Variants in FARP1 observed in about 807,000 individuals in gnomAD.
FARP1 encodes the protein FERM, ARH/RhoGEF and pleckstrin domain protein 1.
A neutral mutation model predicts 128.8 loss-of-function variants in FARP1; 52 were observed. The ratio of observed to expected loss-of-function variants is 0.40; its 90% CI spans 0.32 to 0.51. FARP1 has a LOEUF of 0.51. Ranked by LOEUF, FARP1 falls within the 20% of genes least tolerant of loss-of-function variation. The pLI is 0.45. For missense variants in FARP1, 1,333 were observed against 1,367.9 expected (o/e 0.97, Z 0.40); for synonymous variants, 580 against 551.8 (o/e 1.05, Z -0.72).
chr13:98,443,298 G>C (rs1892603850), intron 24 of FARP1, among the ~76,000 whole-genome samples: 1 of 152,240 alleles, frequency 6.6e-6, no homozygotes, highest in African/African-American at 2.4e-5. Context: ...GAAGGTGGCA[G>C]TGACCACCTA....
At chr13:98,340,085 T>C (rs1409824113) in intron 2 of FARP1, among the ~76,000 whole-genome samples, 1 of 152,064 alleles carries the variant, frequency 6.6e-6, no homozygotes, top group Non-Finnish European at 1.5e-5. Flanking sequence ...TATTAGTTTT[T>C]TTTTTTTAAC....
intron 2 of FARP1, among the ~76,000 whole-genome samples, chr13:98,262,603 A>G (rs369195872): frequency 2.8e-4 from 43 of 152,326 alleles, no homozygotes; most frequent in African/African-American, 1.0e-3. Context: ...GGCATATGTT[A>G]ATGAAATTCA....
At chr13:98,172,184 CTT>C (rs1877700871) in intron 1 of FARP1, among the ~76,000 whole-genome samples, 1 of 151,628 alleles carries the variant, frequency 6.6e-6, no homozygotes, top group South Asian at 2.1e-4. Context: ...GTGAATGAGA[CTT>C]TTCTCAGTGG....
At chr13:98,418,109 G>A (rs1293184251) in intron 16 of FARP1, among the ~76,000 whole-genome samples, 1 of 152,116 alleles carries the variant, frequency 6.6e-6, no homozygotes, top group East Asian at 1.9e-4. Flanking sequence ...GAATGCAGTG[G>A]TATGATCATA....
At chr13:98,344,753 T>C (rs1888108717) in intron 3 of FARP1, among the ~76,000 whole-genome samples, 1 of 152,188 alleles carries the variant, frequency 6.6e-6, no homozygotes, top group African/African-American at 2.4e-5. Context: ...GAGCAGGTGG[T>C]GAATGAACGG....
intron 2 of FARP1, chr13:98,328,456 A>G (rs1887328752): frequency 1.3e-5 from 2 of 152,188 alleles, no homozygotes; most frequent in Non-Finnish European, 2.9e-5. Flanking sequence ...CTAAGCACTT[A>G]TCACACACTG....
Position 98,448,226 on chromosome 13 carries a change from C to T in FARP1, c.3057-10C>T, listed in dbSNP as rs1388255453. 5.6e-6 allele frequency: 9 copies of T among 1,612,188 alleles called. No individual in the cohort carries two copies. The highest frequency in any genetic ancestry group is 3.3e-5 in the Admixed American group (2 of 59,998). ...CAAAAGGTTGACTAACTGGCGTTCCCGTGTTGCAGGTGGATGGAAGTGATC... is the reference window on the plus strand; with the variant it reads ...CAAAAGGTTGACTAACTGGCGTTCCTGTGTTGCAGGTGGATGGAAGTGATC... On this transcript the variant is annotated splice_polypyrimidine_tract_variant and intron_variant, in intron 26 of 26. Coordinates refer to ENST00000319562, the MANE Select transcript of FARP1 (RefSeq NM_005766.4).
intron 5 of FARP1, among the ~76,000 whole-genome samples, chr13:98,371,129 C>T (rs1350290631): frequency 1.3e-5 from 2 of 151,734 alleles, no homozygotes; most frequent in African/African-American, 2.4e-5. Flanking sequence ...GCATCGGTAG[C>T]GTGCCTTTTC....
At chr13:98,249,939 A>T (rs1402351794) in intron 2 of FARP1, among the ~76,000 whole-genome samples, 1 of 152,208 alleles carries the variant, frequency 6.6e-6, no homozygotes, top group East Asian at 1.9e-4. Flanking sequence ...AATCTTCAAA[A>T]TTCATCAGGG....
At chr13:98,300,726 T>C (rs1055445737) in intron 2 of FARP1, among the ~76,000 whole-genome samples, 3 of 152,226 alleles carry the variant, frequency 2.0e-5, no homozygotes, top group African/African-American at 7.2e-5. Context: ...TGAATATTAC[T>C]TGCTTTACCA....
At chr13:98,212,384 A>G (rs1880777785) in intron 1 of FARP1, among the ~76,000 whole-genome samples, 1 of 152,148 alleles carries the variant, frequency 6.6e-6, no homozygotes, top group South Asian at 2.1e-4. Context: ...TGAATTTTAA[A>G]GCAGTGGTAG....
At chr13:98,143,545 G>C (rs1414951726) in intron 1 of FARP1, 53 bp downstream of exon 1, 1 of 150,086 alleles carries the variant, frequency 6.7e-6, no homozygotes, top group Non-Finnish European at 1.5e-5. Context: ...GGGCCGGCGG[G>C]GTCCGGGCCG....
chr13:98,315,797 G>A (rs1195709057), intron 2 of FARP1, among the ~76,000 whole-genome samples: 1 of 152,218 alleles, frequency 6.6e-6, no homozygotes, highest in African/African-American at 2.4e-5. Flanking sequence ...TCCCAGCCCA[G>A]CAGTAAGAGC....
chr13:98,374,500 A>T (rs1404790931), intron 5 of FARP1, among the ~76,000 whole-genome samples: 3 of 152,206 alleles, frequency 2.0e-5, no homozygotes, highest in Non-Finnish European at 4.4e-5. Context: ...TTAGTATGTC[A>T]TCTGGGCCTA....
Position 98,176,744 on chromosome 13 carries a change from C to T in FARP1, c.-24+33252C>T. ...CTCGCCATCCCCGAGGAGGAGTTGC[C>T]CATGGACGTGTCCTTGGGCTTCAGG... On this transcript the variant is annotated intron_variant, in intron 1 of 26. Coordinates refer to ENST00000319562, the MANE Select transcript of FARP1 (RefSeq NM_005766.4). The surrounding 1 kb of genome is among the most constrained non-coding windows in gnomAD (Gnocchi z 6.2). 6.2e-7 allele frequency: 1 copy of T among 1,614,024 alleles called. No homozygotes were observed. Among genetic ancestry groups the T allele is most frequent in the South Asian group, 1.1e-5 (1 of 91,070 alleles).
chr13:98,191,326 A>G (rs944108354), intron 1 of FARP1, among the ~76,000 whole-genome samples: 1 of 152,184 alleles, frequency 6.6e-6, no homozygotes, highest in Non-Finnish European at 1.5e-5. Context: ...TGGGCTTCAG[A>G]ATATACTTGT....
rs1285439512 is a variant in FARP1 at position 98,143,100 on chromosome 13, C to A, written c.-416C>A. On this transcript the variant is annotated 5_prime_UTR_variant, in exon 1 of 27. Coordinates refer to ENST00000319562, the MANE Select transcript of FARP1 (RefSeq NM_005766.4). ...GGGAGGGGCGGTGGCCACTGCACTT[C>A]CCGCTCGCCGGCCTCAGAGGCGGCG... 6 of 147,800 alleles carry A rather than the reference C, an allele frequency of 4.1e-5. No homozygotes were observed. Among genetic ancestry groups the A allele is most frequent in the African/African-American group, 7.3e-5 (3 of 41,016 alleles). 9.2% of individuals were successfully genotyped at this position (147,800 alleles called of 1,614,324 possible).
At chr13:98,319,929 G>A (rs540927424) in intron 2 of FARP1, among the ~76,000 whole-genome samples, 3 of 152,086 alleles carry the variant, frequency 2.0e-5, no homozygotes, top group Admixed American at 6.5e-5. Flanking sequence ...TTACTTCTTC[G>A]GTTATAAATG....
chr13:98,339,603 C>G (rs531902890), intron 2 of FARP1, among the ~76,000 whole-genome samples: 1 of 152,212 alleles, frequency 6.6e-6, no homozygotes, highest in South Asian at 2.1e-4. Context: ...ATAGATAGAG[C>G]CAGTATTCAC....
Sources: allele counts gnomAD v4.1 joint callset (sites outside exome capture counted in the v4.1 genomes callset), GRCh38; gene constraint gnomAD v4.1.1; non-coding constraint Gnocchi (gnomAD v3.1); transcripts MANE v1.5; gene names NCBI Gene and HGNC (gene_info 2026-07-23, HGNC 2026-07-21).